The following CALN1 variants were observed in gnomAD, a reference collection of about 807,000 sequenced individuals.
CALN1 encodes calneuron 1.
CALN1 carries 17 observed loss-of-function variants against 30.6 expected under a neutral mutation model. That is an observed-to-expected ratio of 0.56 (90% CI 0.38 to 0.83). The LOEUF is 0.83. CALN1 is among the 40% of genes least tolerant of loss of function. The pLI, the probability that CALN1 is intolerant of heterozygous loss-of-function variation, is 0.00. For synonymous variants in CALN1, 156 were observed against 131.4 expected, an observed-to-expected ratio of 1.19 and a Z score of -1.28; for missense variants, 291 against 354.9, an observed-to-expected ratio of 0.82 and a Z score of 1.45.
chr7:72,467,260 C>T, the CALN1 span, among the ~76,000 whole-genome samples: 2 of 152,166 alleles, frequency 1.3e-5, no homozygotes, highest in Non-Finnish European at 1.5e-5. Context: ...CAAAGAGGTC[C>T]CCAATCCTGC....
intron 3 of CALN1, among the ~76,000 whole-genome samples, chr7:72,258,326 C>G (rs748443546): frequency 6.6e-6 from 1 of 152,116 alleles, no homozygotes; most frequent in Non-Finnish European, 1.5e-5. Flanking sequence ...GAGGAAACTA[C>G]AGCATATTTC....
At chr7:72,257,546 C>T (rs2129552541) in intron 3 of CALN1, among the ~76,000 whole-genome samples, 1 of 152,292 alleles carries the variant, frequency 6.6e-6, no homozygotes, top group Non-Finnish European at 1.5e-5. Flanking sequence ...CTATGGAAAA[C>T]AGTGTGGAGA....
chr7:71,840,485 TAAAAAAA>T (rs61579583), intron 5 of CALN1, among the ~76,000 whole-genome samples: 34,823 of 101,288 alleles, frequency 0.34, 5,472 homozygotes, highest in South Asian at 0.51. Context: ...ATGCTCTCTT[TAAAAAAA>T]AAAAAAAAAA....
intron 3 of CALN1, among the ~76,000 whole-genome samples, chr7:72,257,926 T>C (rs1239327063): frequency 1.3e-5 from 2 of 151,940 alleles, no homozygotes; most frequent in African/African-American, 4.8e-5. Flanking sequence ...AGGATGCAAA[T>C]GCTTAAGAAT....
chr7:72,145,312 A>G (rs1042168024), intron 3 of CALN1, among the ~76,000 whole-genome samples: 1 of 152,232 alleles, frequency 6.6e-6, no homozygotes, highest in Non-Finnish European at 1.5e-5. Flanking sequence ...CCACAGAAAT[A>G]CAAACTACCA....
At chr7:72,078,728 G>A (rs924157103) in intron 4 of CALN1, among the ~76,000 whole-genome samples, 3 of 152,158 alleles carry the variant, frequency 2.0e-5, no homozygotes, top group African/African-American at 7.2e-5. Context: ...CTGAGGTCAG[G>A]AGATGAAGAC....
At chr7:71,889,408 T>A (rs1793105849) in intron 5 of CALN1, among the ~76,000 whole-genome samples, 1 of 151,922 alleles carries the variant, frequency 6.6e-6, no homozygotes, top group Non-Finnish European at 1.5e-5. Flanking sequence ...CAAAAAAAAA[T>A]CACTCTATAG....
chr7:72,336,276 T>C (rs563717576), intron 2 of CALN1, among the ~76,000 whole-genome samples: 2 of 152,092 alleles, frequency 1.3e-5, no homozygotes, highest in Non-Finnish European at 2.9e-5. Context: ...CCACCTGGGC[T>C]GCGGTGCGGC....
intron 5 of CALN1, among the ~76,000 whole-genome samples, chr7:71,961,689 T>C (rs1363796546): frequency 6.6e-6 from 1 of 152,172 alleles, no homozygotes; most frequent in Non-Finnish European, 1.5e-5. Context: ...TGGAAACTGA[T>C]CTCTGTAGAT....
chr7:72,019,148 G>T (rs1800569409), intron 5 of CALN1, among the ~76,000 whole-genome samples: 1 of 152,062 alleles, frequency 6.6e-6, no homozygotes, highest in Non-Finnish European at 1.5e-5. Flanking sequence ...ACCCTGTCTG[G>T]CCTGGAAGAA....
At chr7:72,206,486 T>C (rs1791896963) in intron 3 of CALN1, among the ~76,000 whole-genome samples, 1 of 152,236 alleles carries the variant, frequency 6.6e-6, no homozygotes, top group African/African-American at 2.4e-5. Context: ...GATTTGCTTC[T>C]ACTCTTTGAA....
the CALN1 span, among the ~76,000 whole-genome samples, chr7:72,492,818 C>A: frequency 2.0e-5 from 3 of 152,228 alleles, no homozygotes; most frequent in Admixed American, 2.0e-4. Context: ...TCCTGCAATG[C>A]ATCCCTGCTG....
chr7:72,058,786 T>C (rs1803452371), intron 4 of CALN1, among the ~76,000 whole-genome samples: 1 of 152,108 alleles, frequency 6.6e-6, no homozygotes, highest in Non-Finnish European at 1.5e-5. Flanking sequence ...ATATAGATCA[T>C]AGACACTGGG....
chr7:72,205,565 T>C (rs1044252117), intron 3 of CALN1, among the ~76,000 whole-genome samples: 16 of 116,704 alleles, frequency 1.4e-4, no homozygotes, highest in African/African-American at 5.3e-4. Context: ...TATATATATA[T>C]ATGTATATAT....
chr7:72,397,728 A>T (rs1050285437), intron 2 of CALN1, among the ~76,000 whole-genome samples: 61 of 151,296 alleles, frequency 4.0e-4, no homozygotes, highest in African/African-American at 1.4e-3. Flanking sequence ...ACACACACAC[A>T]CACACACACA....
chr7:71,871,347 C>T (rs960367778), intron 5 of CALN1, among the ~76,000 whole-genome samples: 4 of 152,202 alleles, frequency 2.6e-5, no homozygotes, highest in African/African-American at 9.6e-5. Flanking sequence ...TCCCCGGTAT[C>T]TGTAGCCTGT....
intron 5 of CALN1, among the ~76,000 whole-genome samples, chr7:71,964,596 G>A (rs1010230309): frequency 3.9e-5 from 6 of 151,960 alleles, no homozygotes; most frequent in East Asian, 1.9e-4. Flanking sequence ...CCGGCTGGGC[G>A]CAGTGGCTCA....
At chr7:72,198,873 G>A (rs569158820) in intron 3 of CALN1, among the ~76,000 whole-genome samples, 1 of 152,312 alleles carries the variant, frequency 6.6e-6, no homozygotes, top group East Asian at 1.9e-4. Flanking sequence ...AAAGCACTGA[G>A]GAGGTCATCA....
intron 5 of CALN1, among the ~76,000 whole-genome samples, chr7:71,931,277 T>TG (rs1562911914): frequency 6.6e-6 from 1 of 152,032 alleles, no homozygotes; most frequent in Non-Finnish European, 1.5e-5. Flanking sequence ...CTCTTTTTTT[T>TG]TTGTTTGAGA....
Sources: allele counts gnomAD v4.1 joint callset (sites outside exome capture counted in the v4.1 genomes callset), GRCh38; gene constraint gnomAD v4.1.1; transcripts MANE v1.5; gene names NCBI Gene and HGNC (gene_info 2026-07-23, HGNC 2026-07-21).